SCARA3: variants seen among roughly 807,000 people sequenced by gnomAD.
SCARA3 encodes the protein scavenger receptor class A member 3.
Under a neutral mutation model 47.0 loss-of-function variants are expected in SCARA3, and 39 were observed. The observed-to-expected ratio is 0.83, with a 90% CI of 0.64 to 1.08. SCARA3 has a LOEUF of 1.08. SCARA3 is among the 50% of genes least tolerant of loss of function. SCARA3 has a pLI of 0.00. For synonymous variants in SCARA3, 356 were observed against 334.1 expected (o/e 1.07, Z -0.71); for missense variants, 724 against 792.3 (o/e 0.91, Z 1.04).
At chr8:27,726,763 G>C in the SCARA3 span, among the ~76,000 whole-genome samples, 1 of 152,116 alleles carries the variant, frequency 6.6e-6, no homozygotes, top group Non-Finnish European at 1.5e-5. Context: ...TTAAATATGA[G>C]CATTGTGCTT....
rs534767718 is a variant in SCARA3, at chr8:27,645,816, C to T, written c.8-3886C>T. The stretch of plus-strand genomic sequence containing the variant: ...CTTGGCCTAGTTCAAGGAGGCACTA[C>T]GGATGCCTGCCTAATCAGTCATCCT... On this transcript the variant is annotated intron_variant, in intron 1 of 5. Transcript: ENST00000301904. Among the ~76,000 whole-genome samples, 7 of 152,314 alleles carry T rather than the reference C, an allele frequency of 4.6e-5. No individual in the cohort carries two copies. The South Asian group carries it at 6.2e-4, about 14-fold the overall frequency.
the SCARA3 span, among the ~76,000 whole-genome samples, chr8:27,693,957 C>A: frequency 6.6e-6 from 1 of 152,184 alleles, no homozygotes; most frequent in East Asian, 1.9e-4. Context: ...AATTATGTCT[C>A]CATAAAATGT....
At position 27,671,501 on chromosome 8, in the gene SCARA3, C is replaced by A; in HGVS notation, c.*150C>A. Reference sequence around the variant, plus strand: ...GCTGACCCTGCAGCTTTGGGCTCCCCCATAGTGACTGTGCCATAGGAAAGC... The same window carrying A: ...GCTGACCCTGCAGCTTTGGGCTCCCACATAGTGACTGTGCCATAGGAAAGC... On this transcript the variant is annotated 3_prime_UTR_variant, in exon 6 of 6. Coordinates refer to ENST00000301904, the MANE Select transcript of SCARA3 (RefSeq NM_016240.3). 7.7e-7 allele frequency: 1 copy of A among 1,294,964 alleles called. No homozygotes were observed. Among genetic ancestry groups the A allele is most frequent in the Non-Finnish European group, 9.7e-7 (1 of 1,026,908 alleles). 80.2% of individuals were successfully genotyped at this position (1,294,964 alleles called of 1,614,324 possible).
At chr8:27,637,755 A>C (rs1458236947) in intron 1 of SCARA3, among the ~76,000 whole-genome samples, 1 of 152,004 alleles carries the variant, frequency 6.6e-6, no homozygotes. Context: ...TCATTTAGGC[A>C]AAGGGTGGAA....
the SCARA3 span, among the ~76,000 whole-genome samples, chr8:27,684,071 A>G: frequency 1.3e-5 from 2 of 152,202 alleles, no homozygotes; most frequent in African/African-American, 4.8e-5. Flanking sequence ...CTGATAGAAA[A>G]AAACATATGT....
intron 1 of SCARA3, among the ~76,000 whole-genome samples, chr8:27,648,388 C>T (rs997694912): frequency 3.9e-5 from 6 of 152,148 alleles, no homozygotes; most frequent in Non-Finnish European, 5.9e-5. Context: ...GGGTGGATCA[C>T]GGTCAGGAGA....
chr8:27,689,049 TGGAATTCCATG>T, the SCARA3 span, among the ~76,000 whole-genome samples: 12 of 152,184 alleles, frequency 7.9e-5, no homozygotes, highest in Admixed American at 1.3e-4. Context: ...CCTTAGAACC[TGGAATTCCATG>T]GGAAACATCC....
intron 4 of SCARA3, 25 bp from the exon 5 acceptor site, chr8:27,658,471 A>C (rs771341635): frequency 1.3e-6 from 2 of 1,554,886 alleles, no homozygotes; most frequent in African/African-American, 2.8e-5. Flanking sequence ...TCAGCAACTC[A>C]AACTGTTATC....
chr8:27,697,907 T>C, the SCARA3 span, among the ~76,000 whole-genome samples: 162 of 152,316 alleles, frequency 1.1e-3, no homozygotes, highest in East Asian at 0.02. Flanking sequence ...CCTCTTTCCT[T>C]TGTAAATTAC....
chr8:27,696,943 G>T, the SCARA3 span, among the ~76,000 whole-genome samples: 1,277 of 152,184 alleles, frequency 8.4e-3, 11 homozygotes, highest in Non-Finnish European at 0.014. Flanking sequence ...TGATGAAAAT[G>T]TTCTAAAATG....
At chr8:27,645,092 G>A (rs891380660) in intron 1 of SCARA3, among the ~76,000 whole-genome samples, 7 of 152,154 alleles carry the variant, frequency 4.6e-5, no homozygotes, top group African/African-American at 1.7e-4. Context: ...TATAAATTTC[G>A]CCTTCGCTGC....
the SCARA3 span, among the ~76,000 whole-genome samples, chr8:27,717,359 G>A: frequency 2.0e-5 from 3 of 152,140 alleles, no homozygotes; most frequent in African/African-American, 7.2e-5. Context: ...CGACACCAAC[G>A]AACAACATAA....
chr8:27,723,324 G>A, the SCARA3 span, among the ~76,000 whole-genome samples: 1 of 152,146 alleles, frequency 6.6e-6, no homozygotes, highest in African/African-American at 2.4e-5. Context: ...GAATTGGCAG[G>A]TGGAGAAAGT....
intron 1 of SCARA3, among the ~76,000 whole-genome samples, chr8:27,642,470 G>A (rs1007590710): frequency 6.6e-6 from 1 of 152,184 alleles, no homozygotes; most frequent in Non-Finnish European, 1.5e-5. Flanking sequence ...GAAGTGGGGT[G>A]CCCATGCGAG....
intron 5 of SCARA3, among the ~76,000 whole-genome samples, chr8:27,668,548 A>C: frequency 6.9e-6 from 1 of 145,356 alleles, no homozygotes; most frequent in East Asian, 2.0e-4. Context: ...CTCCGTCTCA[A>C]AAAAAAAAAA....
the SCARA3 span, among the ~76,000 whole-genome samples, chr8:27,681,949 A>G: frequency 1.3e-5 from 2 of 152,190 alleles, no homozygotes; most frequent in African/African-American, 4.8e-5. Flanking sequence ...TGTACATGAA[A>G]ATGCAAAGGA....
chr8:27,636,337 C>A (rs1302050657), intron 1 of SCARA3, among the ~76,000 whole-genome samples: 2 of 152,016 alleles, frequency 1.3e-5, no homozygotes, highest in Non-Finnish European at 2.9e-5. Context: ...CTCCGGAGCC[C>A]GAGGAGGGAG....
At chr8:27,721,823 G>A in the SCARA3 span, among the ~76,000 whole-genome samples, 20 of 152,174 alleles carry the variant, frequency 1.3e-4, no homozygotes, top group Non-Finnish European at 2.4e-4. Flanking sequence ...TGTAATCCCA[G>A]CACCTCGGGA....
At chr8:27,693,124 CAAAAA>C in the SCARA3 span, among the ~76,000 whole-genome samples, 3 of 99,090 alleles carry the variant, frequency 3.0e-5, no homozygotes, top group Admixed American at 1.0e-4. Flanking sequence ...GACTCTGTCT[CAAAAA>C]AAAAAAAAAA....
Sources: gnomAD v4.1 joint callset for allele counts (sites outside exome capture counted in the v4.1 genomes callset) on GRCh38, gnomAD v4.1.1 for gene constraint, MANE v1.5 for transcripts, NCBI Gene and HGNC (gene_info 2026-07-23, HGNC 2026-07-21) for gene names.